Variants in TNS3 observed in about 807,000 individuals in gnomAD.
The protein encoded by TNS3 is tensin 3.
In TNS3, 45 loss-of-function variants were observed where a neutral mutation model predicts 140.9. The observed-to-expected ratio is 0.32, with a 90% CI of 0.25 to 0.41. The LOEUF is 0.41. Among genes scored for constraint, TNS3 ranks in the 10% least tolerant of loss-of-function variants. The pLI, the probability that TNS3 is intolerant of heterozygous loss-of-function variation, is 1.00. For missense variants in TNS3, 1,716 were observed against 1,906.7 expected (o/e 0.90, Z 1.86); for synonymous variants, 815 against 788.4 (o/e 1.03, Z -0.56).
At chr7:47,512,750 C>T (rs189126021) in intron 2 of TNS3, among the ~76,000 whole-genome samples, 1 of 152,246 alleles carries the variant, frequency 6.6e-6, no homozygotes, top group East Asian at 1.9e-4. Flanking sequence ...ATAATAATAA[C>T]AGAAATACCA....
At chr7:47,314,237 T>C (rs751039624) in intron 20 of TNS3, among the ~76,000 whole-genome samples, 2 of 152,208 alleles carry the variant, frequency 1.3e-5, no homozygotes, top group Non-Finnish European at 2.9e-5. Flanking sequence ...GCAAGGAGGA[T>C]GCTGACAGCA....
At chr7:47,481,009 A>G (rs1344647940) in intron 4 of TNS3, 94 bp downstream of exon 4, 2 of 1,011,462 alleles carry the variant, frequency 2.0e-6, no homozygotes, top group African/African-American at 3.4e-5. Flanking sequence ...TCCTAGAGGA[A>G]GCCAAAAGAT....
intron 20 of TNS3, among the ~76,000 whole-genome samples, chr7:47,326,652 A>T (rs1180210363): frequency 6.6e-6 from 1 of 152,144 alleles, no homozygotes; most frequent in African/African-American, 2.4e-5. Context: ...GTGGACCAAA[A>T]TTCTTTTAAT....
At chr7:47,425,822 T>C (rs922989853) in intron 9 of TNS3, among the ~76,000 whole-genome samples, 1 of 152,208 alleles carries the variant, frequency 6.6e-6, no homozygotes, top group Admixed American at 6.5e-5. Flanking sequence ...TCTTCTCTGG[T>C]GACTTGAAGT....
At chr7:47,553,077 C>A (rs969157410) in intron 1 of TNS3, among the ~76,000 whole-genome samples, 21 of 152,220 alleles carry the variant, frequency 1.4e-4, no homozygotes, top group Admixed American at 2.0e-4. Context: ...CTCTTCAATT[C>A]TATGCAGACT....
In TNS3 at chr7:47,340,326, T is replaced by C. The variant is rs898392974; in HGVS notation, c.2650+4429A>G. On this transcript the variant is annotated intron_variant, in intron 20 of 30. Transcript: ENST00000311160. ...TGAGTACAGACAGAGTTTCACCATG[T>C]TGGCCAGGATGGTCTCGATCTCTTG... Among the ~76,000 whole-genome samples, 20 of 150,766 alleles carry C rather than the reference T, an allele frequency of 1.3e-4. No homozygotes were observed. The East Asian group carries it at 2.7e-3, about 21-fold the overall frequency.
At position 47,364,543 on chromosome 7, in the gene TNS3, AGC is replaced by A. The variant is rs200944913; in HGVS notation, c.2281+3820_2281+3821del. The stretch of plus-strand genomic sequence containing the variant: ...GTGATCTGCCTGCCTCGGCCCAGTA[AGC>A]ATCTTTTAATGGGATTTCTATCAGG... On this transcript the variant is annotated intron_variant, in intron 17 of 30. Coordinates refer to ENST00000311160, the MANE Select transcript of TNS3 (RefSeq NM_022748.12). Among the ~76,000 whole-genome samples, 1,009 of 152,292 alleles carry A rather than the reference AGC, an allele frequency of 6.6e-3. 7 individuals are homozygous for A. Among genetic ancestry groups the A allele is most frequent in the African/African-American group, 0.023 (953 of 41,560 alleles).
rs78858146 is a variant in TNS3 at position 47,368,953 on chromosome 7, G to A, written c.1693C>T (p.Pro565Ser). 2.8e-4 allele frequency: 455 copies of A among 1,613,758 alleles called. 1 individual carries two copies. The highest frequency in any genetic ancestry group is 3.6e-4 in the Non-Finnish European group (428 of 1,179,942). The stretch of plus-strand genomic sequence containing the variant: ...GACACTGAGGGCTTTCTCAGCAGGG[G>A]CTGGGGCTGCTTGGGCTCTCGACTC... ...FGSREPKQPQ[P>S]LLRKPSVSAQ... Residue 565 changes from proline to serine, a missense_variant, in exon 17 of 31, where the codon CCC becomes TCC. Transcript: ENST00000311160.
rs1393265411 is a variant in TNS3, at chr7:47,411,732, C to T, written c.718G>A (p.Val240Ile). 4 of 1,611,246 alleles carry T rather than the reference C, an allele frequency of 2.5e-6. No homozygotes were observed. Among genetic ancestry groups the T allele is most frequent in the African/African-American group, 1.3e-5 (1 of 74,986 alleles). ...CGGCCACAGCGGGCACTCACCATGA[C>T]ATCTCCCTTCAGAAGCTGGGCCGGC... is the stretch of plus-strand genomic sequence containing the variant. The part of the protein sequence containing the change: ...IEPAQLLKGD[V>I]MVKCYHKKYR... The change falls in exon 13 of 31, where the codon GTC (valine) becomes ATC (isoleucine). Residue 240 changes from valine to isoleucine, a missense_variant. Transcript: ENST00000311160.
intron 1 of TNS3, among the ~76,000 whole-genome samples, chr7:47,534,509 C>G (rs1471483589): frequency 6.6e-6 from 1 of 152,068 alleles, no homozygotes. Context: ...AACAGCTGAC[C>G]CAGGCTCCAC....
At chr7:47,348,032 T>C (rs1789449634) in intron 17 of TNS3, among the ~76,000 whole-genome samples, 1 of 152,210 alleles carries the variant, frequency 6.6e-6, no homozygotes, top group Non-Finnish European at 1.5e-5. Flanking sequence ...AGGACGCAAG[T>C]GCTGCAGGCC....
At chr7:47,342,498 A>G (rs80329583) in intron 20 of TNS3, among the ~76,000 whole-genome samples, 2,095 of 152,350 alleles carry the variant, frequency 0.014, 48 homozygotes, top group African/African-American at 0.047. Context: ...CATAGGGGTT[A>G]CCTAAATGTA....
intron 4 of TNS3, among the ~76,000 whole-genome samples, chr7:47,455,470 C>A (rs985905496): frequency 2.6e-5 from 4 of 152,036 alleles, no homozygotes; most frequent in African/African-American, 9.7e-5. Context: ...ATATGGATAA[C>A]CCTGGAAACA....
chr7:47,516,157 A>T (rs1267006629), intron 2 of TNS3, among the ~76,000 whole-genome samples: 2 of 152,252 alleles, frequency 1.3e-5, no homozygotes, highest in Non-Finnish European at 1.5e-5. Flanking sequence ...ATTAGTAGAG[A>T]ACACTATGAA....
intron 4 of TNS3, among the ~76,000 whole-genome samples, chr7:47,468,688 T>C (rs1796821919): frequency 6.6e-6 from 1 of 152,208 alleles, no homozygotes; most frequent in Non-Finnish European, 1.5e-5. Flanking sequence ...GATTCAATGC[T>C]ATTCCTATCA....
At chr7:47,531,789 G>A (rs936233805) in intron 1 of TNS3, among the ~76,000 whole-genome samples, 1 of 152,202 alleles carries the variant, frequency 6.6e-6, no homozygotes, top group East Asian at 1.9e-4. Flanking sequence ...CTGAGTTGGG[G>A]TGGGAACTCC....
chr7:47,501,329 G>A (rs1429958439), intron 3 of TNS3, among the ~76,000 whole-genome samples: 1 of 152,134 alleles, frequency 6.6e-6, no homozygotes, highest in East Asian at 1.9e-4. Context: ...CACCTTTTGG[G>A]GAGGTCAAAG....
rs901398805 is a variant in TNS3 at position 47,277,272 on chromosome 7, A to G, written c.*804T>C. Reference sequence around the variant, plus strand: ...GGCAAATTATCATAAATAATTTGGCATAAGTAAAATATAAATTACATAGAA... The same window carrying G: ...GGCAAATTATCATAAATAATTTGGCGTAAGTAAAATATAAATTACATAGAA... On this transcript the variant is annotated 3_prime_UTR_variant, in exon 31 of 31. Coordinates refer to ENST00000311160, the MANE Select transcript of TNS3 (RefSeq NM_022748.12). 1 of 152,290 alleles carries G rather than the reference A, an allele frequency of 6.6e-6. No homozygotes were observed. Among genetic ancestry groups the G allele is most frequent in the Non-Finnish European group, 1.5e-5 (1 of 68,104 alleles). 9.4% of individuals were successfully genotyped at this position (152,290 alleles called of 1,614,324 possible).
chr7:47,376,203 A>T (rs1791375171), intron 16 of TNS3, among the ~76,000 whole-genome samples: 1 of 152,188 alleles, frequency 6.6e-6, no homozygotes, highest in African/African-American at 2.4e-5. Context: ...TGGGGAACAG[A>T]GAGAGAAACA....
Sources: allele counts gnomAD v4.1 joint callset (sites outside exome capture counted in the v4.1 genomes callset), GRCh38; gene constraint gnomAD v4.1.1; transcripts MANE v1.5; gene names NCBI Gene and HGNC (gene_info 2026-07-23, HGNC 2026-07-21).